The following TMEM266 variants were observed in gnomAD, a reference collection of about 807,000 sequenced individuals.
TMEM266 encodes the protein transmembrane protein 266.
A neutral mutation model predicts 50.5 loss-of-function variants in TMEM266; 33 were observed. The observed-to-expected ratio is 0.65, with a 90% CI of 0.50 to 0.87. The LOEUF (loss-of-function observed/expected upper bound fraction) is 0.87. TMEM266 is among the 40% of genes least tolerant of loss of function. The pLI is 0.00. For missense variants in TMEM266, 655 were observed against 695.1 expected, an observed-to-expected ratio of 0.94 and a Z score of 0.65; for synonymous variants, 310 against 292.3, an observed-to-expected ratio of 1.06 and a Z score of -0.62.
chr15:76,171,613 C>T (rs981700331), intron 7 of TMEM266, among the ~76,000 whole-genome samples: 8 of 152,210 alleles, frequency 5.3e-5, no homozygotes, highest in Admixed American at 4.6e-4. Context: ...TCTGGCTGCC[C>T]ACAAGCCCAT....
intron 1 of TMEM266, among the ~76,000 whole-genome samples, chr15:76,103,213 G>A (rs1036523856): frequency 6.6e-6 from 1 of 152,098 alleles, no homozygotes; most frequent in Admixed American, 6.6e-5. Context: ...GGCATGAAAG[G>A]GAGGAGTCAG....
At chr15:76,175,501 T>G (rs1233346671) in intron 7 of TMEM266, 58 bp from the exon 8 acceptor site, 16 of 1,389,516 alleles carry the variant, frequency 1.2e-5, no homozygotes, top group Non-Finnish European at 1.6e-5. Flanking sequence ...GGCCCGCCCT[T>G]CCCTAGTCCA....
Position 76,156,770 on chromosome 15 carries a change from G to A in TMEM266, c.382+12G>A. 1 of 1,612,118 alleles carries A rather than the reference G, an allele frequency of 6.2e-7. No individual in the cohort carries two copies. Among genetic ancestry groups the A allele is most frequent in the Non-Finnish European group, 8.5e-7 (1 of 1,178,438 alleles). On this transcript the variant is annotated intron_variant, in intron 4 of 10. Coordinates refer to ENST00000388942, the MANE Select transcript of TMEM266 (RefSeq NM_152335.3). ...AAAGCTTCTCCAGTGTGAGTAGCAAGAGAGATACATATGCCAATACATATG... is the reference window on the plus strand; with the variant it reads ...AAAGCTTCTCCAGTGTGAGTAGCAAAAGAGATACATATGCCAATACATATG...
rs1269248350 is a variant in TMEM266 at position 76,169,989 on chromosome 15, T to C, written c.513+117T>C. The C allele has an allele frequency of 7.4e-6, 8 of 1,084,284 alleles. No individual in the cohort carries two copies. The Admixed American group carries it at 9.1e-5, about 12-fold the overall frequency. 67.2% of individuals were successfully genotyped at this position (1,084,284 alleles called of 1,614,324 possible). A position where few individuals can be genotyped will look rare whatever the true frequency, so the allele number is the denominator to read the frequency against. On this transcript the variant is annotated intron_variant, in intron 6 of 10. Coordinates refer to ENST00000388942, the MANE Select transcript of TMEM266 (RefSeq NM_152335.3). Reference sequence around the variant, plus strand: ...CAAGAAGGCTGGTTCCTTCTCCCACTTGACCTCTGTGGCTGTGCATGTTGG... The same window carrying C: ...CAAGAAGGCTGGTTCCTTCTCCCACCTGACCTCTGTGGCTGTGCATGTTGG...
In TMEM266 at chr15:76,160,150, G is replaced by C. The variant is rs1276440273; in HGVS notation, c.438G>C (p.Leu146=). ...TTCACTGGATCAGCCTGGTCATTCT[G>C]TCCGTGTTCTTCTCAGAGGTAGGTG... Residue 146 remains leucine, a synonymous_variant, in exon 5 of 11, where the codon CTG becomes CTC. Coordinates refer to ENST00000388942, the MANE Select transcript of TMEM266 (RefSeq NM_152335.3). The surrounding 1 kb of genome is among the most constrained non-coding windows in gnomAD (Gnocchi z 5.7). 2.5e-6 allele frequency: 4 copies of C among 1,614,160 alleles called. No homozygotes were observed. The highest frequency in any genetic ancestry group is 1.7e-6 in the Non-Finnish European group (2 of 1,179,988).
chr15:76,176,368 G>A (rs2038279271), intron 8 of TMEM266: 1 of 152,664 alleles, frequency 6.6e-6, no homozygotes, highest in Non-Finnish European at 1.5e-5. Context: ...TTCAGAGGAG[G>A]GGGATTGGGG....
At chr15:76,078,752 A>G (rs576429454) in intron 1 of TMEM266, among the ~76,000 whole-genome samples, 1 of 152,192 alleles carries the variant, frequency 6.6e-6, no homozygotes. Flanking sequence ...CAACTCGTGT[A>G]TGAGTTTCCT....
chr15:76,147,434 T>C (rs1416251450), intron 3 of TMEM266, among the ~76,000 whole-genome samples: 1 of 152,130 alleles, frequency 6.6e-6, no homozygotes, highest in Non-Finnish European at 1.5e-5. Context: ...TTTGCATCCT[T>C]TTTTTCTCAG....
intron 1 of TMEM266, among the ~76,000 whole-genome samples, chr15:76,061,070 G>A (rs1275105501): frequency 6.6e-6 from 1 of 152,108 alleles, no homozygotes; most frequent in Admixed American, 6.6e-5. Context: ...GAACAACAGT[G>A]GGAAAATGGG....
chr15:76,065,193 C>T (rs8032468), intron 1 of TMEM266, among the ~76,000 whole-genome samples: 5,501 of 152,202 alleles, frequency 0.036, 342 homozygotes, highest in African/African-American at 0.12. Flanking sequence ...TTTTGGGACA[C>T]AGTCTCAAAA....
intron 4 of TMEM266, among the ~76,000 whole-genome samples, chr15:76,158,456 C>G (rs867792061): frequency 6.6e-6 from 1 of 152,274 alleles, no homozygotes; most frequent in South Asian, 2.1e-4. Flanking sequence ...TTTCTTTCCC[C>G]GTGGCGGATT....
At chr15:76,188,503 T>C (rs1184317010) in intron 8 of TMEM266, among the ~76,000 whole-genome samples, 1 of 152,144 alleles carries the variant, frequency 6.6e-6, no homozygotes, top group Admixed American at 6.5e-5. Flanking sequence ...CTTGGGAGGC[T>C]GAGGCAGGAG....
At chr15:76,069,271 G>A (rs1308833760) in intron 1 of TMEM266, among the ~76,000 whole-genome samples, 1 of 152,162 alleles carries the variant, frequency 6.6e-6, no homozygotes, top group African/African-American at 2.4e-5. Flanking sequence ...CGACTCATGG[G>A]TGGGCTGGCT....
At chr15:76,152,529 ATCC>A (rs922626747) in intron 3 of TMEM266, among the ~76,000 whole-genome samples, 8 of 152,200 alleles carry the variant, frequency 5.3e-5, no homozygotes, top group African/African-American at 1.9e-4. Flanking sequence ...GGGAAGCCCT[ATCC>A]TCCTCCCGGT....
Position 76,179,285 on chromosome 15 carries a change from G to A in TMEM266, c.768+3611G>A, listed in dbSNP as rs79291899. 9.6e-3 allele frequency among the ~76,000 whole-genome samples: 1,456 copies of A among 152,260 alleles called. 28 individuals carry two copies. The highest frequency in any genetic ancestry group is 0.034 in the African/African-American group (1,401 of 41,540). ...AAATGGGTGTAGTAATAGAATCCTC[G>A]AAGGATGGTGATGAGATCGTAGCCT... On this transcript the variant is annotated intron_variant, in intron 8 of 10. Coordinates refer to ENST00000388942, the MANE Select transcript of TMEM266 (RefSeq NM_152335.3).
At chr15:76,092,455 C>T (rs987009594) in intron 1 of TMEM266, among the ~76,000 whole-genome samples, 12 of 151,862 alleles carry the variant, frequency 7.9e-5, no homozygotes, top group Non-Finnish European at 1.6e-4. Context: ...TTTGGGAGGC[C>T]GAGGCGGGCG....
intron 1 of TMEM266, among the ~76,000 whole-genome samples, chr15:76,073,642 G>A (rs542628883): frequency 1.3e-5 from 2 of 152,348 alleles, no homozygotes; most frequent in African/African-American, 4.8e-5. Context: ...GGTTGGAAAA[G>A]TCAAGCATAG....
intron 1 of TMEM266, among the ~76,000 whole-genome samples, chr15:76,101,952 A>G (rs532559980): frequency 2.6e-5 from 4 of 152,328 alleles, no homozygotes; most frequent in Admixed American, 6.5e-5. Context: ...AGCATCCCCA[A>G]CTGGAATTAG....
intron 1 of TMEM266, among the ~76,000 whole-genome samples, chr15:76,064,434 G>A (rs1596078295): frequency 1.3e-5 from 2 of 152,114 alleles, no homozygotes; most frequent in South Asian, 2.1e-4. Flanking sequence ...TTCTTGGGCC[G>A]TAGCAAAATC....
Sources: gnomAD v4.1 joint callset for allele counts (sites outside exome capture counted in the v4.1 genomes callset) on GRCh38, gnomAD v4.1.1 for gene constraint, Gnocchi (gnomAD v3.1) non-coding constraint, MANE v1.5 for transcripts, NCBI Gene and HGNC (gene_info 2026-07-23, HGNC 2026-07-21) for gene names.